Variants in PRKAR1B observed in about 807,000 individuals in gnomAD.
PRKAR1B encodes protein kinase cAMP-dependent type I regulatory subunit beta.
PRKAR1B carries 22 observed loss-of-function variants against 46.5 expected under a neutral mutation model. That is an observed-to-expected ratio of 0.47 (90% CI 0.34 to 0.68). PRKAR1B has a LOEUF of 0.68. Among genes scored for constraint, PRKAR1B ranks in the 30% least tolerant of loss-of-function variants. The pLI, the probability that PRKAR1B is intolerant of heterozygous loss-of-function variation, is 0.01. For synonymous variants in PRKAR1B, 259 were observed against 217.7 expected, an observed-to-expected ratio of 1.19 and a Z score of -1.67; for missense variants, 445 against 535.6, an observed-to-expected ratio of 0.83 and a Z score of 1.67.
intron 4 of PRKAR1B, among the ~76,000 whole-genome samples, chr7:652,455 C>T (rs999277188): frequency 3.6e-4 from 52 of 143,970 alleles, no homozygotes; most frequent in Admixed American, 2.1e-3. Flanking sequence ...ACCCACGCAG[C>T]GCTAGGAACC....
intron 7 of PRKAR1B, among the ~76,000 whole-genome samples, chr7:586,353 G>C (rs758479736): frequency 6.6e-6 from 1 of 151,870 alleles, no homozygotes; most frequent in Non-Finnish European, 1.5e-5. Flanking sequence ...ACGATGAATA[G>C]GGCTGACGGA....
chr7:701,059 G>A (rs953142744), intron 2 of PRKAR1B, among the ~76,000 whole-genome samples: 9 of 151,934 alleles, frequency 5.9e-5, no homozygotes, highest in Admixed American at 1.3e-4. Flanking sequence ...ATGGTGGTGC[G>A]CATCTGCAAT....
At chr7:670,337 A>T (rs1048502516) in intron 4 of PRKAR1B, among the ~76,000 whole-genome samples, 1 of 152,142 alleles carries the variant, frequency 6.6e-6, no homozygotes, top group Non-Finnish European at 1.5e-5. Context: ...AGGCCAGGGG[A>T]CCAGTCCATG....
At chr7:681,286 T>C (rs1430815476) in intron 2 of PRKAR1B, among the ~76,000 whole-genome samples, 2 of 144,790 alleles carry the variant, frequency 1.4e-5, no homozygotes, top group Non-Finnish European at 1.5e-5. Context: ...TGGTTCTTTA[T>C]AGCAGTATGA....
At chr7:551,080 A>C (rs899934085) in intron 10 of PRKAR1B, among the ~76,000 whole-genome samples, 7 of 152,158 alleles carry the variant, frequency 4.6e-5, no homozygotes, top group African/African-American at 1.7e-4. Flanking sequence ...AGCTGCAGGA[A>C]TGCTGGTGGC....
Position 603,692 on chromosome 7 carries a change from C to G in PRKAR1B, c.549+2501G>C, listed in dbSNP as rs1205389410. 2.1e-5 allele frequency among the ~76,000 whole-genome samples: 3 copies of G among 141,826 alleles called. No individual in the cohort carries two copies. The East Asian group carries it at 6.3e-4, about 30-fold the overall frequency. 93.0% of individuals were successfully genotyped at this position (141,826 alleles called of 152,430 possible). On this transcript the variant is annotated intron_variant, in intron 6 of 10. Coordinates refer to ENST00000537384, the MANE Select transcript of PRKAR1B (RefSeq NM_001164760.2). ...GGAGGTGACACGGTGACACCAGGAC[C>G]CAGAGTGGAGGGGATGGGGGAGGAG...
chr7:683,176 T>C (rs1210510532), intron 2 of PRKAR1B, among the ~76,000 whole-genome samples: 1 of 152,092 alleles, frequency 6.6e-6, no homozygotes, highest in Non-Finnish European at 1.5e-5. Flanking sequence ...AGACCACGGC[T>C]CTGAGATGCT....
rs534122161 is a variant in PRKAR1B, at chr7:599,417, C to A, written c.550-3113G>T. On this transcript the variant is annotated intron_variant, in intron 6 of 10. Transcript: ENST00000537384. ...GGTTCAAGCGATTCTCCCGCCTCAG[C>A]CTCCCGGATTACAGGCAACTGCCAC... 2.0e-5 allele frequency among the ~76,000 whole-genome samples: 3 copies of A among 152,236 alleles called. No homozygotes were observed. In the South Asian group the frequency reaches 6.2e-4, roughly 32 times the overall value.
At chr7:710,441 C>A (rs893218431) in intron 2 of PRKAR1B, among the ~76,000 whole-genome samples, 1 of 152,084 alleles carries the variant, frequency 6.6e-6, no homozygotes. Context: ...CAGGCACGCA[C>A]GTCTACGAAA....
chr7:625,036 A>G (rs1783309095), intron 4 of PRKAR1B, among the ~76,000 whole-genome samples: 1 of 152,234 alleles, frequency 6.6e-6, no homozygotes, highest in Non-Finnish European at 1.5e-5. Context: ...GAACAAATGT[A>G]AAAGAACAGA....
At chr7:603,756 G>C (rs1453775328) in intron 6 of PRKAR1B, among the ~76,000 whole-genome samples, 2 of 144,712 alleles carry the variant, frequency 1.4e-5, no homozygotes, top group African/African-American at 5.4e-5. Flanking sequence ...TGGGGGAGGA[G>C]GTGACACCAG....
intron 9 of PRKAR1B, among the ~76,000 whole-genome samples, chr7:572,406 G>C (rs1036097294): frequency 2.6e-5 from 4 of 152,180 alleles, no homozygotes; most frequent in African/African-American, 9.7e-5. Context: ...ACCCAGGAGG[G>C]GCCTGCTCCT....
intron 4 of PRKAR1B, among the ~76,000 whole-genome samples, chr7:654,442 ATCATCACCATCT>A (rs1188215704): frequency 1.3e-5 from 2 of 151,262 alleles, no homozygotes; most frequent in Admixed American, 1.3e-4. Context: ...TATCACCATC[ATCATCACCATCT>A]TCATCACTAC....
intron 1 of PRKAR1B, chr7:712,710 T>C (rs1224003365): frequency 2.7e-5 from 3 of 110,614 alleles, no homozygotes; most frequent in African/African-American, 1.0e-4. Context: ...CCCCCCGCTG[T>C]CGCCGCCCCC....
rs1326196240 is a variant in PRKAR1B, at chr7:714,491, C to T, written c.-22-2964G>A. On this transcript the variant is annotated intron_variant, in intron 1 of 10. Coordinates refer to ENST00000537384, the MANE Select transcript of PRKAR1B (RefSeq NM_001164760.2). This position sits in a 1 kb window ranked among gnomAD's most constrained non-coding sequence, Gnocchi z 4.3. ...GGCCCCTGGCCCCACTGAGCTGTGA[C>T]GTCTGCTGAGCTCCTCTCCTCATTG... is the stretch of plus-strand genomic sequence containing the variant. Among the ~76,000 whole-genome samples, 7 of 152,328 alleles carry T rather than the reference C, an allele frequency of 4.6e-5. No individual in the cohort carries two copies. The highest frequency in any genetic ancestry group is 3.4e-3 in the Middle Eastern group (1 of 294).
rs545886232 is a variant in PRKAR1B, at chr7:563,765, GTGCA to G, written c.892-12299_892-12296del. Reference sequence around the variant, plus strand: ...TGTATGTACGTGTGTGTGCTCAGGTGTGCATGCATGTCTGTATGTACATGTGTGT... The same window carrying G: ...TGTATGTACGTGTGTGTGCTCAGGTGTGCATGTCTGTATGTACATGTGTGT... On this transcript the variant is annotated intron_variant, in intron 9 of 10. Transcript: ENST00000537384. 3.6e-3 allele frequency among the ~76,000 whole-genome samples: 546 copies of G among 152,008 alleles called. 1 individual carries two copies. Among genetic ancestry groups the G allele is most frequent in the African/African-American group, 0.013 (519 of 41,440 alleles).
Position 689,060 on chromosome 7 carries a change from A to G in PRKAR1B, c.178-8334T>C, listed in dbSNP as rs146115895. Among the ~76,000 whole-genome samples the G allele has an allele frequency of 1.3e-3, 194 of 152,348 alleles. 1 individual carries two copies. The East Asian group carries it at 0.025, about 19-fold the overall frequency. Reference sequence around the variant, plus strand: ...AGACTTTAAAATAATTCTGCTCAGTATGTTTGAGGAAATAAAAGACAAAAT... The same window carrying G: ...AGACTTTAAAATAATTCTGCTCAGTGTGTTTGAGGAAATAAAAGACAAAAT... On this transcript the variant is annotated intron_variant, in intron 2 of 10. Coordinates refer to ENST00000537384, the MANE Select transcript of PRKAR1B (RefSeq NM_001164760.2).
intron 6 of PRKAR1B, among the ~76,000 whole-genome samples, chr7:604,460 C>T (rs1201783116): frequency 1.3e-5 from 2 of 152,200 alleles, no homozygotes; most frequent in Non-Finnish European, 2.9e-5. Flanking sequence ...AAAGGTCTGC[C>T]CCAGAGGCCC....
intron 9 of PRKAR1B, among the ~76,000 whole-genome samples, chr7:569,770 C>G (rs113001733): frequency 1.3e-4 from 20 of 152,258 alleles, no homozygotes; most frequent in African/African-American, 4.3e-4. Context: ...AGGGTGAGGC[C>G]GGAGTCCCTC....
Sources: gnomAD v4.1 joint callset for allele counts (sites outside exome capture counted in the v4.1 genomes callset) on GRCh38, gnomAD v4.1.1 for gene constraint, Gnocchi (gnomAD v3.1) non-coding constraint, MANE v1.5 for transcripts, NCBI Gene and HGNC (gene_info 2026-07-23, HGNC 2026-07-21) for gene names.